The following SHBG variants were observed in gnomAD, a reference collection of about 807,000 sequenced individuals.
SHBG encodes the protein sex hormone-binding globulin.
In SHBG, 37 loss-of-function variants were observed where a neutral mutation model predicts 41.9. That is an observed-to-expected ratio of 0.88 (90% CI 0.68 to 1.16). The LOEUF (loss-of-function observed/expected upper bound fraction) is 1.16. SHBG is among the 50% of genes most tolerant of loss of function. The pLI, the probability that SHBG is intolerant of heterozygous loss-of-function variation, is 0.00. For missense variants in SHBG, 466 were observed against 499.9 expected, an observed-to-expected ratio of 0.93 and a Z score of 0.65; for synonymous variants, 217 against 205.8, an observed-to-expected ratio of 1.05 and a Z score of -0.47.
chr17:7,627,611 C>A, upstream of SHBG: 1 of 1,613,302 alleles, frequency 6.2e-7, no homozygotes, highest in Non-Finnish European at 8.5e-7. The surrounding 1 kb of genome is among the most constrained non-coding windows in gnomAD (Gnocchi z 4.8). Flanking sequence ...CCCTCCTTGG[C>A]CTCTCGGATC....
intron 1 of SHBG, among the ~76,000 whole-genome samples, chr17:7,621,659 A>G (rs988825348): frequency 1.3e-5 from 2 of 151,162 alleles, no homozygotes; most frequent in Non-Finnish European, 2.9e-5. Flanking sequence ...ATAAAGAAAT[A>G]AATTAAATTT....
At chr17:7,630,001 G>C, upstream of SHBG, 2 of 686,114 alleles carry the variant, frequency 2.9e-6, no homozygotes, top group South Asian at 3.1e-5. This position sits in a 1 kb window ranked among gnomAD's most constrained non-coding sequence, Gnocchi z 4.6. Context: ...AGGGGTGATA[G>C]CTGAGTCTTG....
At chr17:7,618,088 G>A (rs1299378645) in intron 1 of SHBG, among the ~76,000 whole-genome samples, 3 of 151,826 alleles carry the variant, frequency 2.0e-5, no homozygotes, top group Non-Finnish European at 2.9e-5. Context: ...ACGTGGTAGC[G>A]TGTGCCTGTA....
upstream of SHBG, chr17:7,626,348 G>A (rs575296798): frequency 6.9e-4 from 939 of 1,356,986 alleles, 1 homozygote; most frequent in Non-Finnish European, 8.5e-4. Flanking sequence ...CTTCCTCCAG[G>A]GAGGCCTCAG....
At position 7,630,499 on chromosome 17, in the gene SHBG, G is replaced by A. The variant is rs2072368948; in HGVS notation, c.195G>A (p.Lys65=). 1.9e-6 allele frequency: 3 copies of A among 1,613,894 alleles called. No homozygotes were observed. The South Asian group carries it at 3.3e-5, about 18-fold the overall frequency. Residue 65 remains lysine (K), a synonymous_variant, in exon 2 of 8, where the codon AAG becomes AAA. Transcript: ENST00000380450. The surrounding 1 kb of genome is among the most constrained non-coding windows in gnomAD (Gnocchi z 4.6). ...CTGTCATGACCTTTGACCTCACCAA[G>A]ATCACAAAGTATGGGGTTGGCCTAG... is the stretch of plus-strand genomic sequence containing the variant. ...PIAVMTFDLT[K]ITKTSSSFEV...
upstream of SHBG, among the ~76,000 whole-genome samples, chr17:7,628,515 C>T (rs935656712): frequency 3.3e-5 from 5 of 151,828 alleles, no homozygotes; most frequent in African/African-American, 4.8e-5. Flanking sequence ...GGCGCGATCT[C>T]GGCTCACTGC....
chr17:7,629,717 G>A (rs1216335013), upstream of SHBG, among the ~76,000 whole-genome samples: 1 of 152,174 alleles, frequency 6.6e-6, no homozygotes, highest in Non-Finnish European at 1.5e-5. Flanking sequence ...GAGGTGAAGT[G>A]ACTTGCCCAA....
At chr17:7,621,837 A>G (rs2072103639) in intron 1 of SHBG, among the ~76,000 whole-genome samples, 1 of 151,300 alleles carries the variant, frequency 6.6e-6, no homozygotes, top group Admixed American at 6.6e-5. Flanking sequence ...TTTGAGAGAC[A>G]TTTTAATTTT....
upstream of SHBG, among the ~76,000 whole-genome samples, chr17:7,628,421 G>A (rs1210469282): frequency 1.3e-5 from 2 of 150,606 alleles, no homozygotes; most frequent in Admixed American, 6.6e-5. Flanking sequence ...GCACCGGCAC[G>A]CCCGGCTAAT....
At chr17:7,627,702 G>A, upstream of SHBG, 1 of 1,571,046 alleles carries the variant, frequency 6.4e-7, no homozygotes, top group Non-Finnish European at 8.8e-7. This position sits in a 1 kb window ranked among gnomAD's most constrained non-coding sequence, Gnocchi z 4.8. Flanking sequence ...CCCTTAAAGG[G>A]CCTACGGACT....
upstream of SHBG, chr17:7,626,733 C>T (rs202224696): frequency 2.9e-4 from 466 of 1,614,036 alleles, 2 homozygotes; most frequent in Middle Eastern, 3.3e-3. Flanking sequence ...CCTCACTTGT[C>T]GCCCCACCCA....
At chr17:7,627,540 AC>A (rs767421709), upstream of SHBG, 2 of 1,600,644 alleles carry the variant, frequency 1.2e-6, no homozygotes, top group East Asian at 2.2e-5. This position sits in a 1 kb window ranked among gnomAD's most constrained non-coding sequence, Gnocchi z 4.8. Context: ...CGCCACTCTG[AC>A]CCCCGGGTTA....
rs759936072 is a variant in SHBG, at chr17:7,630,851, T to G, written c.375T>G (p.Asp125Glu). The change falls in exon 3 of 8, where the codon GAT becomes GAG. Residue 125 changes from aspartate (D) to glutamate (E), a missense_variant. Coordinates refer to ENST00000380450, the MANE Select transcript of SHBG (RefSeq NM_001040.5). The surrounding 1 kb of genome is among the most constrained non-coding windows in gnomAD (Gnocchi z 4.6). ...QLTVGAGPRL[D>E]DGRWHQVEVK... ...CGGTGGGTGCTGGACCACGGCTGGA[T>G]GATGGGAGATGGCACCAGGTAAGCT... 4 of 1,613,084 alleles carry G rather than the reference T, an allele frequency of 2.5e-6. No individual in the cohort carries two copies. Among genetic ancestry groups the G allele is most frequent in the Non-Finnish European group, 2.5e-6 (3 of 1,179,974 alleles).
chr17:7,630,870 G>T lies in SHBG; in HGVS notation c.393+1G>T. Reference sequence around the variant, plus strand: ...GCTGGATGATGGGAGATGGCACCAGGTAAGCTAGCTCTGGTCCTCAGGGGA... The same window carrying T: ...GCTGGATGATGGGAGATGGCACCAGTTAAGCTAGCTCTGGTCCTCAGGGGA... On this transcript the variant is annotated splice_donor_variant, in intron 3 of 7. Coordinates refer to ENST00000380450, the MANE Select transcript of SHBG (RefSeq NM_001040.5). LOFTEE classifies it high-confidence loss of function. This position sits in a 1 kb window ranked among gnomAD's most constrained non-coding sequence, Gnocchi z 4.6. 1 of 1,612,334 alleles carries T rather than the reference G, an allele frequency of 6.2e-7. No individual in the cohort carries two copies. Among genetic ancestry groups the T allele is most frequent in the Non-Finnish European group, 8.5e-7 (1 of 1,179,770 alleles).
At chr17:7,625,665 C>T (rs570902815), upstream of SHBG, among the ~76,000 whole-genome samples, 8 of 151,752 alleles carry the variant, frequency 5.3e-5, no homozygotes, top group Non-Finnish European at 8.8e-5. Context: ...CCGAGGCAGT[C>T]GGACTACCTG....
At chr17:7,633,177 T>G (rs1329809565) in intron 7 of SHBG, 27 bp from the exon 8 acceptor site, 5 of 1,613,804 alleles carry the variant, frequency 3.1e-6, no homozygotes, top group East Asian at 2.2e-5. Flanking sequence ...AATGCTCTAA[T>G]GCCACCTTTG....
At chr17:7,628,044 G>A (rs1255142731), upstream of SHBG, 1 of 469,748 alleles carries the variant, frequency 2.1e-6, no homozygotes, top group East Asian at 6.6e-5. Flanking sequence ...TCCCAACCTG[G>A]GTCGAGATAC....
intron 7 of SHBG, 51 bp downstream of exon 7, chr17:7,633,010 A>G (rs766181247): frequency 6.5e-7 from 1 of 1,544,026 alleles, no homozygotes; most frequent in South Asian, 1.1e-5. Context: ...GAAACAGCTC[A>G]AGGGAGGCGG....
chr17:7,615,198 G>A (rs1013836819), intron 1 of SHBG, among the ~76,000 whole-genome samples: 2 of 152,004 alleles, frequency 1.3e-5, no homozygotes, highest in African/African-American at 2.4e-5. Context: ...GGCGGCGTCC[G>A]CACAGTCACA....
Sources: gnomAD v4.1 joint callset for allele counts (sites outside exome capture counted in the v4.1 genomes callset) on GRCh38, gnomAD v4.1.1 for gene constraint, Gnocchi (gnomAD v3.1) non-coding constraint, MANE v1.5 for transcripts, NCBI Gene and HGNC (gene_info 2026-07-23, HGNC 2026-07-21) for gene names.